Variants in RPS6KA2 observed in about 807,000 individuals in gnomAD.
The protein encoded by RPS6KA2 is ribosomal protein S6 kinase A2.
RPS6KA2 carries 42 observed loss-of-function variants against 91.8 expected under a neutral mutation model. The ratio of observed to expected loss-of-function variants is 0.46; its 90% CI spans 0.36 to 0.59. The LOEUF (loss-of-function observed/expected upper bound fraction) is 0.59, where lower values mean the gene tolerates loss of function less well. RPS6KA2 is among the 20% of genes least tolerant of loss of function. The probability of loss-of-function intolerance (pLI) is 0.00; values close to 1 mark genes in which losing one functional copy is unlikely to be tolerated. For missense variants in RPS6KA2, 798 were observed against 978.5 expected, an observed-to-expected ratio of 0.82 and a Z score of 2.46; for synonymous variants, 414 against 393.6, an observed-to-expected ratio of 1.05 and a Z score of -0.61.
At position 166,418,277 on chromosome 6, in the gene RPS6KA2, C is replaced by T. The variant is rs775445065; in HGVS notation, c.1886G>A (p.Gly629Glu). The change falls in exon 19 of 21, where the codon GGG becomes GAG. Residue 629 changes from glycine to glutamate, a missense_variant. Coordinates refer to ENST00000265678, the MANE Select transcript of RPS6KA2 (RefSeq NM_021135.6). This position sits in a 1 kb window ranked among gnomAD's most constrained non-coding sequence, Gnocchi z 4.9. ...GTTTCCCCCAGAAAGGGCATACTTCCCACTGCCGATCCGCGCCAGAATCTC... is the reference window on the plus strand; with the variant it reads ...GTTTCCCCCAGAAAGGGCATACTTCTCACTGCCGATCCGCGCCAGAATCTC... ...PEEILARIGS[G>E]KYALSGGNWD... is the part of the protein sequence containing the mutation. 69 of 1,613,982 alleles carry T rather than the reference C, an allele frequency of 4.3e-5. No homozygotes were observed. The highest frequency in any genetic ancestry group is 5.3e-5 in the Non-Finnish European group (63 of 1,180,000).
At chr6:166,683,341 A>G (rs1788895328) in intron 2 of RPS6KA2, among the ~76,000 whole-genome samples, 1 of 152,248 alleles carries the variant, frequency 6.6e-6, no homozygotes, top group East Asian at 1.9e-4. Flanking sequence ...AAGAGCCAGA[A>G]ATGTACCAAT....
intron 10 of RPS6KA2, among the ~76,000 whole-genome samples, chr6:166,477,770 G>C (rs1383372598): frequency 6.6e-6 from 1 of 152,088 alleles, no homozygotes; most frequent in Non-Finnish European, 1.5e-5. Flanking sequence ...AACTAGTCAG[G>C]TGTGGTTGTG....
At chr6:166,474,120 T>C (rs957585734) in intron 10 of RPS6KA2, among the ~76,000 whole-genome samples, 4 of 152,124 alleles carry the variant, frequency 2.6e-5, no homozygotes, top group African/African-American at 4.8e-5. Context: ...CATGGGTCTC[T>C]AGCGGCTCCC....
intron 2 of RPS6KA2, among the ~76,000 whole-genome samples, chr6:166,819,454 G>A (rs564305470): frequency 2.6e-5 from 4 of 152,140 alleles, no homozygotes; most frequent in East Asian, 1.9e-4. Context: ...CCCCACAGTC[G>A]CTCCTGTAGG....
intron 2 of RPS6KA2, among the ~76,000 whole-genome samples, chr6:166,724,070 T>C (rs1010592734): frequency 3.3e-5 from 5 of 152,206 alleles, no homozygotes; most frequent in African/African-American, 1.2e-4. Context: ...TATAATCTAT[T>C]TTCAGGGTGT....
chr6:166,513,272 T>G (rs1017096625), intron 3 of RPS6KA2, among the ~76,000 whole-genome samples: 2 of 152,134 alleles, frequency 1.3e-5, no homozygotes, highest in Non-Finnish European at 2.9e-5. Context: ...GGGATACTAG[T>G]GTCTCCCCTA....
intron 2 of RPS6KA2, among the ~76,000 whole-genome samples, chr6:166,760,461 A>C (rs1304407434): frequency 6.6e-6 from 1 of 152,242 alleles, no homozygotes; most frequent in Non-Finnish European, 1.5e-5. Flanking sequence ...AAGTGATAAG[A>C]TCATCGCACA....
intron 2 of RPS6KA2, chr6:166,701,664 G>C: frequency 7.9e-7 from 1 of 1,263,988 alleles, no homozygotes; most frequent in Non-Finnish European, 1.2e-6. Context: ...TGGCTGAAGG[G>C]GGCCCTGAGG....
chr6:166,455,464 T>A (rs1780070122), intron 12 of RPS6KA2, among the ~76,000 whole-genome samples: 1 of 152,062 alleles, frequency 6.6e-6, no homozygotes. Context: ...GAGCCAGGTG[T>A]CGGCCCTCAA....
intron 2 of RPS6KA2, among the ~76,000 whole-genome samples, chr6:166,790,787 A>G (rs1466635499): frequency 6.6e-6 from 1 of 152,248 alleles, no homozygotes; most frequent in Non-Finnish European, 1.5e-5. Flanking sequence ...AAAGAGAAAT[A>G]AAATCCTTTA....
intron 2 of RPS6KA2, among the ~76,000 whole-genome samples, chr6:166,748,616 GC>G (rs1791122593): frequency 1.7e-5 from 1 of 59,484 alleles, no homozygotes; most frequent in Non-Finnish European, 3.1e-5. Context: ...ATTTCCCTGG[GC>G]CCCCACCTCC....
intron 1 of RPS6KA2, among the ~76,000 whole-genome samples, chr6:166,545,614 C>G (rs1036646846): frequency 6.6e-6 from 1 of 152,158 alleles, no homozygotes; most frequent in South Asian, 2.1e-4. Context: ...CTCCCCACCC[C>G]GTCCCTGTTC....
At chr6:166,755,614 C>T (rs1777987189) in intron 2 of RPS6KA2, among the ~76,000 whole-genome samples, 1 of 152,186 alleles carries the variant, frequency 6.6e-6, no homozygotes, top group Admixed American at 6.5e-5. Flanking sequence ...CGACACGCAC[C>T]ATGGCTGCTG....
intron 2 of RPS6KA2, among the ~76,000 whole-genome samples, chr6:166,643,776 C>A (rs1787522436): frequency 6.6e-6 from 1 of 152,216 alleles, no homozygotes; most frequent in South Asian, 2.1e-4. Flanking sequence ...CTCTCTGTGA[C>A]CCCCAGACTT....
intron 2 of RPS6KA2, among the ~76,000 whole-genome samples, chr6:166,800,279 C>A (rs1299615595): frequency 1.3e-5 from 2 of 152,206 alleles, no homozygotes; most frequent in Non-Finnish European, 2.9e-5. Context: ...ACTGTGTCTG[C>A]CCTCAGCCCC....
intron 3 of RPS6KA2, among the ~76,000 whole-genome samples, chr6:166,523,470 T>C (rs556522904): frequency 1.3e-5 from 2 of 152,154 alleles, no homozygotes; most frequent in Non-Finnish European, 2.9e-5. Flanking sequence ...GGGATAAGCA[T>C]AGGATTCTGA....
chr6:166,565,414 G>A (rs1412424916), intron 1 of RPS6KA2, among the ~76,000 whole-genome samples: 1 of 152,246 alleles, frequency 6.6e-6, no homozygotes, highest in Non-Finnish European at 1.5e-5. Flanking sequence ...TCCAAAGCCT[G>A]TGCTGGGATG....
chr6:166,508,198 C>A lies in RPS6KA2; in HGVS notation c.459+5G>T. On this transcript the variant is annotated splice_donor_5th_base_variant and intron_variant, in intron 5 of 20. Coordinates refer to ENST00000265678, the MANE Select transcript of RPS6KA2 (RefSeq NM_021135.6). This position sits in a 1 kb window ranked among gnomAD's most constrained non-coding sequence, Gnocchi z 4.3. ...GCCCTCCTGTGTGATGTGGCGGCTG[C>A]TCACCTCTTTGGAGAGCCGGGTGAA... 6.2e-7 allele frequency: 1 copy of A among 1,602,424 alleles called. No homozygotes were observed. The highest frequency in any genetic ancestry group is 8.5e-7 in the Non-Finnish European group (1 of 1,169,928).
chr6:166,589,682 G>C (rs1785295485), intron 1 of RPS6KA2, among the ~76,000 whole-genome samples: 1 of 152,212 alleles, frequency 6.6e-6, no homozygotes. Flanking sequence ...ACTGTTGGTA[G>C]AAATGGGCGC....
Sources: allele counts gnomAD v4.1 joint callset (sites outside exome capture counted in the v4.1 genomes callset), GRCh38; gene constraint gnomAD v4.1.1; non-coding constraint Gnocchi (gnomAD v3.1); transcripts MANE v1.5; gene names NCBI Gene and HGNC (gene_info 2026-07-23, HGNC 2026-07-21).